Variants in OTOGL observed in about 807,000 individuals in gnomAD.
The protein encoded by OTOGL is otogelin-like protein.
A neutral mutation model predicts 318.5 loss-of-function variants in OTOGL; 285 were observed. That is an observed-to-expected ratio of 0.89 (90% CI 0.81 to 0.99). The LOEUF is 0.99. Among genes scored for constraint, OTOGL ranks in the 50% least tolerant of loss-of-function variants. The probability of loss-of-function intolerance (pLI) is 0.00; values close to 1 mark genes in which losing one functional copy is unlikely to be tolerated. For missense variants in OTOGL, 2,899 were observed against 2,845.6 expected (o/e 1.02, Z -0.43); for synonymous variants, 987 against 936.5 (o/e 1.05, Z -0.99).
intron 1 of OTOGL, among the ~76,000 whole-genome samples, chr12:80,104,638 G>A (rs1272693340): frequency 1.3e-5 from 2 of 152,090 alleles, no homozygotes; most frequent in Non-Finnish European, 1.5e-5. Flanking sequence ...CAGTGTTGTA[G>A]GGGTGGGAGA....
chr12:80,226,177 A>ACACAC (rs1878824294), intron 7 of OTOGL, among the ~76,000 whole-genome samples: 6 of 132,894 alleles, frequency 4.5e-5, no homozygotes, highest in Non-Finnish European at 6.5e-5. Flanking sequence ...TCCTGCTCCT[A>ACACAC]ACACACACAC....
intron 28 of OTOGL, among the ~76,000 whole-genome samples, chr12:80,304,305 T>C (rs564018554): frequency 6.6e-6 from 1 of 152,240 alleles, no homozygotes; most frequent in African/African-American, 2.4e-5. Flanking sequence ...TTTTATTAAA[T>C]ATTGTTAGTT....
chr12:80,275,957 A>G (rs1254561198), intron 24 of OTOGL, among the ~76,000 whole-genome samples: 2 of 24,534 alleles, frequency 8.2e-5, no homozygotes, highest in Non-Finnish European at 9.7e-5. Context: ...CTAGGAACCA[A>G]AAAATCTGCT....
chr12:80,120,656 A>G (rs1379941661), intron 1 of OTOGL, among the ~76,000 whole-genome samples: 1 of 152,230 alleles, frequency 6.6e-6, no homozygotes, highest in African/African-American at 2.4e-5. Context: ...TTCAATATGA[A>G]TATTGCTACA....
At chr12:80,268,755 A>G (rs1047635246) in intron 22 of OTOGL, among the ~76,000 whole-genome samples, 4 of 152,114 alleles carry the variant, frequency 2.6e-5, no homozygotes, top group Admixed American at 6.6e-5. Context: ...CCTTTCCATC[A>G]TCACTGCTTT....
At chr12:80,249,476 CG>C (rs1020995503) in intron 11 of OTOGL, among the ~76,000 whole-genome samples, 33 of 151,352 alleles carry the variant, frequency 2.2e-4, no homozygotes, top group African/African-American at 8.1e-4. Context: ...TTAGGCTGCT[CG>C]GGGGTCAGGG....
At chr12:80,365,961 ATC>A (rs1208101638) in intron 52 of OTOGL, among the ~76,000 whole-genome samples, 1 of 152,156 alleles carries the variant, frequency 6.6e-6, no homozygotes, top group Non-Finnish European at 1.5e-5. Context: ...AAGTTTGAGC[ATC>A]TGTCATAGTA....
At position 80,356,805 on chromosome 12, in the gene OTOGL, A is replaced by C. The variant is rs762472252; in HGVS notation, c.5912-2A>C. The stretch of plus-strand genomic sequence containing the variant: ...TTTTCTAATGTAATTTTGTTTCTGC[A>C]GAATGTGACCCATTGAAATGCCCCA... On this transcript the variant is annotated splice_acceptor_variant, in intron 48 of 58. Coordinates refer to ENST00000547103, the MANE Select transcript of OTOGL (RefSeq NM_001378609.3). LOFTEE classifies it high-confidence loss of function. 6.4e-7 allele frequency: 1 copy of C among 1,572,326 alleles called. No individual in the cohort carries two copies. The highest frequency in any genetic ancestry group is 8.6e-7 in the Non-Finnish European group (1 of 1,159,276).
chr12:80,364,895 A>C (rs1890435012), intron 52 of OTOGL, among the ~76,000 whole-genome samples: 1 of 152,106 alleles, frequency 6.6e-6, no homozygotes, highest in African/African-American at 2.4e-5. Context: ...GTATCATTTA[A>C]ATACAAATCA....
intron 1 of OTOGL, among the ~76,000 whole-genome samples, chr12:80,124,946 A>G (rs1487474793): frequency 6.6e-6 from 1 of 152,294 alleles, no homozygotes; most frequent in Admixed American, 6.5e-5. Flanking sequence ...GGGCTGAGAC[A>G]ATGGGGTTTT....
At chr12:80,132,162 TC>T in intron 1 of OTOGL, 1 of 152,204 alleles carries the variant, frequency 6.6e-6, no homozygotes, top group Non-Finnish European at 1.5e-5. Flanking sequence ...CTGACCTACC[TC>T]CCTTCTCACT....
chr12:80,310,543 G>A, intron 29 of OTOGL, 68 bp from the exon 30 acceptor site: 1 of 1,049,528 alleles, frequency 9.5e-7, no homozygotes, highest in Non-Finnish European at 1.4e-6. Flanking sequence ...AGTGAAGTTG[G>A]GTAGGTTACT....
intron 29 of OTOGL, among the ~76,000 whole-genome samples, chr12:80,309,546 C>T (rs1886489154): frequency 6.6e-6 from 1 of 152,130 alleles, no homozygotes; most frequent in African/African-American, 2.4e-5. Context: ...AGCTGAAGTG[C>T]AAAGTATAGA....
At chr12:80,354,252 A>G (rs1410792895) in intron 46 of OTOGL, among the ~76,000 whole-genome samples, 1 of 152,198 alleles carries the variant, frequency 6.6e-6, no homozygotes, top group Non-Finnish European at 1.5e-5. Context: ...TCCTCTTCAC[A>G]TCTGTCCACT....
At chr12:80,145,090 G>T (rs970668366) in intron 1 of OTOGL, among the ~76,000 whole-genome samples, 1 of 151,560 alleles carries the variant, frequency 6.6e-6, no homozygotes, top group African/African-American at 2.4e-5. Context: ...TTTGTCTTTT[G>T]TTGCCATTGC....
Position 80,270,086 on chromosome 12 carries a change from A to G in OTOGL, c.2466-16A>G, listed in dbSNP as rs752699675. The G allele has an allele frequency of 7.0e-6, 11 of 1,565,236 alleles. No individual in the cohort carries two copies. Among genetic ancestry groups the G allele is most frequent in the Non-Finnish European group, 9.6e-6 (11 of 1,145,342 alleles). On this transcript the variant is annotated splice_polypyrimidine_tract_variant and intron_variant, in intron 22 of 58. Transcript: ENST00000547103. Reference sequence around the variant, plus strand: ...ACAGATTTGGTTCCATAAATTAACTATTTATTTACTTCTAGCCAGTGTTCA... The same window carrying G: ...ACAGATTTGGTTCCATAAATTAACTGTTTATTTACTTCTAGCCAGTGTTCA...
chr12:80,339,783 T>A (rs1431718516), intron 43 of OTOGL, among the ~76,000 whole-genome samples: 1 of 152,138 alleles, frequency 6.6e-6, no homozygotes, highest in Non-Finnish European at 1.5e-5. Flanking sequence ...AGTTTTATTA[T>A]GAAATGTAAA....
chr12:80,110,002 A>G (rs901875294), intron 1 of OTOGL, among the ~76,000 whole-genome samples: 15 of 151,754 alleles, frequency 9.9e-5, no homozygotes, highest in African/African-American at 3.6e-4. Flanking sequence ...ATAGGTATAC[A>G]TGTGCAATGG....
At chr12:80,358,081 T>G (rs1338586981) in intron 49 of OTOGL, among the ~76,000 whole-genome samples, 167 bp from the exon 50 acceptor site, 1 of 152,208 alleles carries the variant, frequency 6.6e-6, no homozygotes, top group Non-Finnish European at 1.5e-5. Context: ...GGCAATATAC[T>G]CAGACAGTAT....
Sources: gnomAD v4.1 joint callset for allele counts (sites outside exome capture counted in the v4.1 genomes callset) on GRCh38, gnomAD v4.1.1 for gene constraint, MANE v1.5 for transcripts, NCBI Gene and HGNC (gene_info 2026-07-23, HGNC 2026-07-21) for gene names.